The following FAM178B variants were observed in gnomAD, a reference collection of about 807,000 sequenced individuals.
The protein encoded by FAM178B is family with sequence similarity 178 member B.
In FAM178B, 82 loss-of-function variants were observed where a neutral mutation model predicts 91.7. That is an observed-to-expected ratio of 0.89 (90% CI 0.75 to 1.07). The LOEUF (loss-of-function observed/expected upper bound fraction) is 1.07, where lower values mean the gene tolerates loss of function less well. Among genes scored for constraint, FAM178B ranks in the 50% least tolerant of loss-of-function variants. The pLI is 0.00. For missense variants in FAM178B, 769 were observed against 846.7 expected (o/e 0.91, Z 1.14); for synonymous variants, 368 against 359.4 (o/e 1.02, Z -0.27).
At chr2:96,931,794 G>A (rs2081543888) in intron 8 of FAM178B, among the ~76,000 whole-genome samples, 1 of 152,054 alleles carries the variant, frequency 6.6e-6, no homozygotes, top group Admixed American at 6.5e-5. Flanking sequence ...AATGTATATG[G>A]GTTGAGACTC....
chr2:96,978,283 A>C (rs1446844393), intron 1 of FAM178B, among the ~76,000 whole-genome samples: 9 of 152,170 alleles, frequency 5.9e-5, no homozygotes, highest in Admixed American at 5.9e-4. Flanking sequence ...ACATACACAA[A>C]ATCACACACA....
chr2:96,903,926 C>A (rs766841442), intron 12 of FAM178B, among the ~76,000 whole-genome samples: 3 of 152,156 alleles, frequency 2.0e-5, no homozygotes, highest in Non-Finnish European at 4.4e-5. Context: ...GACAAAGCAG[C>A]GGACTCTTGG....
intron 5 of FAM178B, among the ~76,000 whole-genome samples, chr2:96,963,421 A>G (rs1347827167): frequency 6.6e-6 from 1 of 152,212 alleles, no homozygotes; most frequent in Non-Finnish European, 1.5e-5. Flanking sequence ...AATTAAATTC[A>G]GTCTACATGC....
chr2:96,955,406 G>A (rs1297322102), intron 6 of FAM178B, among the ~76,000 whole-genome samples: 1 of 152,142 alleles, frequency 6.6e-6, no homozygotes, highest in Non-Finnish European at 1.5e-5. Flanking sequence ...AGCTACTCGG[G>A]AGGCTAAGGC....
Position 96,972,340 on chromosome 2 carries a change from T to C in FAM178B, c.143-18A>G. On this transcript the variant is annotated intron_variant, in intron 2 of 16. Transcript: ENST00000490605. Reference sequence around the variant, plus strand: ...CTGCACCCCTGCAGACAGGACAGAATACTGTGGTCCCTCTGCCCACCTGCC... The same window carrying C: ...CTGCACCCCTGCAGACAGGACAGAACACTGTGGTCCCTCTGCCCACCTGCC... 6.8e-7 allele frequency: 1 copy of C among 1,467,990 alleles called. No homozygotes were observed. The allele number at this position is 1,467,990 out of a possible 1,614,324, so 90.9% of individuals were successfully genotyped here.
chr2:96,907,068 C>A (rs1403637359), intron 12 of FAM178B, among the ~76,000 whole-genome samples: 1 of 151,986 alleles, frequency 6.6e-6, no homozygotes, highest in Non-Finnish European at 1.5e-5. Context: ...GGCTGTTATC[C>A]AGAAATGAAG....
At chr2:96,949,405 C>T (rs2081887824) in intron 7 of FAM178B, among the ~76,000 whole-genome samples, 1 of 152,188 alleles carries the variant, frequency 6.6e-6, no homozygotes, top group Non-Finnish European at 1.5e-5. Flanking sequence ...CCAGATTCTC[C>T]TTCCTGAGGA....
chr2:96,887,456 G>A (rs892504162), intron 14 of FAM178B, among the ~76,000 whole-genome samples: 1 of 152,184 alleles, frequency 6.6e-6, no homozygotes, highest in African/African-American at 2.4e-5. Context: ...TCAAGTATGT[G>A]AAGCAAGATG....
At chr2:96,931,692 C>T (rs2081541929) in intron 8 of FAM178B, among the ~76,000 whole-genome samples, 1 of 152,168 alleles carries the variant, frequency 6.6e-6, no homozygotes, top group Non-Finnish European at 1.5e-5. Flanking sequence ...TGCCCAGCTG[C>T]AGTGCTGGCA....
intron 1 of FAM178B, among the ~76,000 whole-genome samples, chr2:96,985,330 G>A (rs1165876972): frequency 6.6e-6 from 1 of 152,106 alleles, no homozygotes; most frequent in African/African-American, 2.4e-5. Flanking sequence ...ACTTGGCCAT[G>A]CTCACTCTAC....
rs148821838 is a variant in FAM178B, at chr2:96,879,745, C to T, written c.1777-1252G>A. On this transcript the variant is annotated intron_variant, in intron 14 of 16. Transcript: ENST00000490605. ...GCAGAGAAGACACAGTGGGGGAAAC[C>T]GAGGCGTGCCTCCAGGAGAGCTGCC... Among the ~76,000 whole-genome samples, 297 of 152,314 alleles carry T rather than the reference C, an allele frequency of 1.9e-3. 1 individual carries two copies. The highest frequency in any genetic ancestry group is 0.017 in the Middle Eastern group (5 of 294).
At chr2:96,911,231 G>A (rs551803976) in intron 12 of FAM178B, among the ~76,000 whole-genome samples, 18 of 152,170 alleles carry the variant, frequency 1.2e-4, no homozygotes, top group Admixed American at 3.9e-4. Context: ...CTCACGGCCC[G>A]CGTCAGTGAG....
intron 9 of FAM178B, among the ~76,000 whole-genome samples, chr2:96,926,666 T>C (rs1388696724): frequency 6.6e-6 from 1 of 152,182 alleles, no homozygotes; most frequent in Non-Finnish European, 1.5e-5. Flanking sequence ...AGGGCCACTG[T>C]TTCCAACAAG....
chr2:96,948,783 G>A (rs546800509), intron 7 of FAM178B, among the ~76,000 whole-genome samples: 1 of 152,314 alleles, frequency 6.6e-6, no homozygotes, highest in East Asian at 1.9e-4. Context: ...AGCACCTAGT[G>A]CAAGGTCACA....
chr2:96,936,196 TTTATTTA>T (rs1416574302), intron 8 of FAM178B, among the ~76,000 whole-genome samples: 2 of 151,990 alleles, frequency 1.3e-5, no homozygotes, highest in Non-Finnish European at 2.9e-5. Context: ...TTTTTATTTA[TTTATTTA>T]TTATTTATTT....
chr2:96,876,902 CAG>C (rs2080256219), intron 16 of FAM178B, among the ~76,000 whole-genome samples: 1 of 152,130 alleles, frequency 6.6e-6, no homozygotes, highest in Non-Finnish European at 1.5e-5. Flanking sequence ...GGCACCAGCA[CAG>C]GGGCTGAAGT....
intron 9 of FAM178B, among the ~76,000 whole-genome samples, chr2:96,924,653 C>T (rs1331526340): frequency 6.6e-6 from 1 of 152,202 alleles, no homozygotes; most frequent in African/African-American, 2.4e-5. Flanking sequence ...TCACCTTCAT[C>T]GTATGGCCGA....
chr2:96,967,911 C>A (rs76658611), intron 4 of FAM178B, among the ~76,000 whole-genome samples: 1 of 62,444 alleles, frequency 1.6e-5, no homozygotes. Flanking sequence ...CCTGTTTGGT[C>A]TTTTTTTTTT....
chr2:96,916,661 G>C (rs2081246139), intron 12 of FAM178B, among the ~76,000 whole-genome samples: 1 of 152,154 alleles, frequency 6.6e-6, no homozygotes, highest in South Asian at 2.1e-4. Flanking sequence ...TCTTCCCCTT[G>C]GCTCTGTTTC....
Sources: allele counts gnomAD v4.1 joint callset (sites outside exome capture counted in the v4.1 genomes callset), GRCh38; gene constraint gnomAD v4.1.1; transcripts MANE v1.5; gene names NCBI Gene and HGNC (gene_info 2026-07-23, HGNC 2026-07-21).